Variants in TMEM116 observed in about 807,000 individuals in gnomAD.
The protein encoded by TMEM116 is transmembrane protein 116.
A neutral mutation model predicts 44.3 loss-of-function variants in TMEM116; 38 were observed. That is an observed-to-expected ratio of 0.86 (90% CI 0.66 to 1.12). The LOEUF (loss-of-function observed/expected upper bound fraction) is 1.12. TMEM116 is among the 50% of genes most tolerant of loss of function. TMEM116 has a pLI of 0.00. For missense variants in TMEM116, 354 were observed against 401.7 expected, an observed-to-expected ratio of 0.88 and a Z score of 1.01; for synonymous variants, 132 against 144.8, an observed-to-expected ratio of 0.91 and a Z score of 0.64.
chr12:111,992,984 T>C (rs1209185814), intron 3 of TMEM116: 1 of 157,490 alleles, frequency 6.3e-6, no homozygotes, highest in African/African-American at 2.4e-5. Flanking sequence ...TTTGCCATCT[T>C]AGGGAGAAGC....
chr12:111,985,248 C>G (rs1051251925), intron 4 of TMEM116, among the ~76,000 whole-genome samples: 1 of 150,832 alleles, frequency 6.6e-6, no homozygotes, highest in Non-Finnish European at 1.5e-5. Flanking sequence ...GCAGATAACA[C>G]GATCTTATAT....
chr12:112,001,850 A>G (rs535396624), intron 3 of TMEM116, among the ~76,000 whole-genome samples: 1 of 152,296 alleles, frequency 6.6e-6, no homozygotes, highest in African/African-American at 2.4e-5. Context: ...TACCACTGAA[A>G]CTTCAAAATC....
chr12:111,975,753 C>T (rs937177349), intron 4 of TMEM116, among the ~76,000 whole-genome samples: 2 of 151,726 alleles, frequency 1.3e-5, no homozygotes, highest in Non-Finnish European at 2.9e-5. Flanking sequence ...TAGTCAACTT[C>T]GGCCCCTCTA....
intron 4 of TMEM116, among the ~76,000 whole-genome samples, chr12:111,989,390 C>G (rs1193563147): frequency 6.6e-6 from 1 of 152,192 alleles, no homozygotes; most frequent in South Asian, 2.1e-4. Context: ...CGCTTTAATT[C>G]TGTGTATTAA....
intron 3 of TMEM116, chr12:112,000,717 T>C (rs746166743): frequency 1.9e-6 from 1 of 531,364 alleles, no homozygotes; most frequent in Non-Finnish European, 3.8e-6. Context: ...CTTCTGAGTC[T>C]CCATTTCCTC....
chr12:111,985,753 C>T (rs894867929), intron 4 of TMEM116, among the ~76,000 whole-genome samples: 1 of 152,014 alleles, frequency 6.6e-6, no homozygotes, highest in African/African-American at 2.4e-5. Context: ...CACACCACCA[C>T]ACCCAGCTAA....
intron 4 of TMEM116, among the ~76,000 whole-genome samples, chr12:111,991,380 C>T (rs1417523389): frequency 5.4e-5 from 8 of 147,618 alleles, no homozygotes; most frequent in Non-Finnish European, 9.0e-5. Context: ...AAAAATTAGT[C>T]GGGCGCGGTG....
rs1033789845 is a variant in TMEM116, at chr12:111,968,883, C to T, written c.210+22875G>A. Reference sequence around the variant, plus strand: ...TGGCGGGCACCTGTAATCGCAGCTACTCAGGAGACTGAGACAGGAGAATCG... The same window carrying T: ...TGGCGGGCACCTGTAATCGCAGCTATTCAGGAGACTGAGACAGGAGAATCG... On this transcript the variant is annotated intron_variant, in intron 4 of 10. Coordinates refer to ENST00000552374, the MANE Select transcript of TMEM116 (RefSeq NM_001193531.2). Among the ~76,000 whole-genome samples, 4 of 150,048 alleles carry T rather than the reference C, an allele frequency of 2.7e-5. No homozygotes were observed. In the East Asian group the frequency reaches 6.0e-4, roughly 22 times the overall value.
In TMEM116 at chr12:111,933,867, C is replaced by G. The variant is rs2071881727; in HGVS notation, c.733+19G>C. ...TAACTGCCCTCTTCACTGCCCATCTCTTCTTGTTAAGTACCTACCTGGGCC... is the reference window on the plus strand; with the variant it reads ...TAACTGCCCTCTTCACTGCCCATCTGTTCTTGTTAAGTACCTACCTGGGCC... On this transcript the variant is annotated intron_variant, in intron 9 of 10. Coordinates refer to ENST00000552374, the MANE Select transcript of TMEM116 (RefSeq NM_001193531.2). 6.2e-7 allele frequency: 1 copy of G among 1,613,386 alleles called. No individual in the cohort carries two copies. The highest frequency in any genetic ancestry group is 8.5e-7 in the Non-Finnish European group (1 of 1,179,748).
chr12:111,945,116 C>A (rs1199155019), intron 4 of TMEM116, among the ~76,000 whole-genome samples: 1 of 137,936 alleles, frequency 7.2e-6, no homozygotes, highest in East Asian at 2.1e-4. Context: ...AAAAAACAGG[C>A]AAACCTTGAA....
chr12:111,964,440 CAAAAAAAAAAAAA>C (rs553179003), intron 4 of TMEM116, among the ~76,000 whole-genome samples: 1 of 62,130 alleles, frequency 1.6e-5, no homozygotes, highest in African/African-American at 5.8e-5. Flanking sequence ...GACTCCATCT[CAAAAAAAAAAAAA>C]AAAAGTAAAT....
At chr12:111,996,039 C>CAAA (rs60431093) in intron 3 of TMEM116, among the ~76,000 whole-genome samples, 4 of 53,656 alleles carry the variant, frequency 7.5e-5, no homozygotes, top group African/African-American at 1.9e-4. Context: ...GACCCTGTCT[C>CAAA]AAAAAAAAAA....
chr12:112,009,559 T>A, intron 1 of TMEM116, among the ~76,000 whole-genome samples: 1 of 140,856 alleles, frequency 7.1e-6, no homozygotes, highest in Non-Finnish European at 1.5e-5. Context: ...AAAAAAATGC[T>A]GGGTGCAGTG....
At chr12:112,010,631 T>G (rs1394442218) in intron 1 of TMEM116, 2 of 152,428 alleles carry the variant, frequency 1.3e-5, no homozygotes, top group African/African-American at 4.8e-5. Context: ...GTGGCTCTTC[T>G]CTGCCCACAG....
At chr12:111,972,179 T>C (rs2075383038) in intron 4 of TMEM116, among the ~76,000 whole-genome samples, 1 of 150,394 alleles carries the variant, frequency 6.6e-6, no homozygotes, top group Non-Finnish European at 1.5e-5. Flanking sequence ...ATATATACCA[T>C]GGCAATAGTA....
At chr12:112,007,054 A>T (rs1026086840) in intron 1 of TMEM116, among the ~76,000 whole-genome samples, 2 of 152,252 alleles carry the variant, frequency 1.3e-5, no homozygotes, top group East Asian at 3.9e-4. Context: ...GCAGTGTGCT[A>T]TGACTGTTCC....
chr12:111,975,728 T>TG (rs1298532648), intron 4 of TMEM116, among the ~76,000 whole-genome samples: 1 of 152,002 alleles, frequency 6.6e-6, no homozygotes, highest in Non-Finnish European at 1.5e-5. Flanking sequence ...TTATCTGACA[T>TG]GGGGGAAGGA....
intron 4 of TMEM116, among the ~76,000 whole-genome samples, chr12:111,950,084 C>T (rs1169607820): frequency 6.6e-6 from 1 of 152,064 alleles, no homozygotes; most frequent in Non-Finnish European, 1.5e-5. Context: ...CACTGCAATC[C>T]AGCCTGGGTG....
At chr12:111,932,980 C>T (rs1024573064) in intron 9 of TMEM116, among the ~76,000 whole-genome samples, 1 of 152,194 alleles carries the variant, frequency 6.6e-6, no homozygotes, top group Non-Finnish European at 1.5e-5. Context: ...GTGGCTCATG[C>T]CTACAATCCC....
Sources: allele counts gnomAD v4.1 joint callset (sites outside exome capture counted in the v4.1 genomes callset), GRCh38; gene constraint gnomAD v4.1.1; transcripts MANE v1.5; gene names NCBI Gene and HGNC (gene_info 2026-07-23, HGNC 2026-07-21).